C14orf39: variants seen among roughly 807,000 people sequenced by gnomAD.
C14orf39 encodes the protein protein SIX6OS1.
A neutral mutation model predicts 85.6 loss-of-function variants in C14orf39; 66 were observed. The ratio of observed to expected loss-of-function variants is 0.77; its 90% CI spans 0.63 to 0.95. The LOEUF (loss-of-function observed/expected upper bound fraction) is 0.95, where lower values mean the gene tolerates loss of function less well. Ranked by LOEUF, C14orf39 falls within the 40% of genes least tolerant of loss-of-function variation. C14orf39 has a pLI of 0.00. For missense variants in C14orf39, 735 were observed against 663.9 expected (o/e 1.11, Z -1.18); for synonymous variants, 242 against 214.0 (o/e 1.13, Z -1.14).
intron 7 of C14orf39, among the ~76,000 whole-genome samples, chr14:60,470,022 T>C (rs1892000710): frequency 6.6e-6 from 1 of 150,898 alleles, no homozygotes; most frequent in Non-Finnish European, 1.5e-5. Context: ...ATTTAACTTC[T>C]TATGCTTCCA....
intron 9 of C14orf39, 89 bp from the exon 10 acceptor site, chr14:60,467,133 T>A (rs988155752): frequency 1.8e-6 from 1 of 562,954 alleles, no homozygotes; most frequent in African/African-American, 2.0e-5. Flanking sequence ...TACTATATAA[T>A]AAAACCCCTC....
chr14:60,456,957 A>G lies in C14orf39; in HGVS notation c.1318T>C (p.Leu440=), dbSNP rs775967405. 2.5e-6 allele frequency: 4 copies of G among 1,592,518 alleles called. No homozygotes were observed. The highest frequency in any genetic ancestry group is 2.7e-5 in the African/African-American group (2 of 73,338). Residue 440 remains leucine, a synonymous_variant, in exon 15 of 18, where the codon TTG becomes CTG. Transcript: ENST00000321731. ...GTTTTAGGGAATTTTATTTTCTCCA[A>G]TGACTCAGGTGCTTTCACAGCTTTG... is the stretch of plus-strand genomic sequence containing the variant. ...TPKAVKAPES[L]EKIKFPKTPP...
chr14:60,482,150 C>CTG (rs1170411802), intron 4 of C14orf39, among the ~76,000 whole-genome samples: 2 of 152,172 alleles, frequency 1.3e-5, no homozygotes, highest in Non-Finnish European at 2.9e-5. Flanking sequence ...TACTGACTCT[C>CTG]CTCAGACCTA....
At chr14:60,511,383 T>G in intron 1 of C14orf39, 1 of 1,161,570 alleles carries the variant, frequency 8.6e-7, no homozygotes, top group Non-Finnish European at 1.3e-6. Flanking sequence ...ACCCGCGGGC[T>G]CGGGTTGCCG....
chr14:60,458,697 T>G lies in C14orf39; in HGVS notation c.1160A>C (p.Glu387Ala). ...ACTTACTTGTGAAGTACATTTTGAT[T>G]CTCTTACTTGTCTTACTGTCCCTTT... is the stretch of plus-strand genomic sequence containing the variant. ...GDKGTVRQVR[E>A]SKCTSQAIYT... Residue 387 changes from glutamate (E) to alanine (A), a missense_variant, in exon 14 of 18, where the codon GAA becomes GCA. Coordinates refer to ENST00000321731, the MANE Select transcript of C14orf39 (RefSeq NM_174978.3). The G allele has an allele frequency of 1.2e-6, 2 of 1,603,110 alleles. No individual in the cohort carries two copies. The highest frequency in any genetic ancestry group is 1.7e-6 in the Non-Finnish European group (2 of 1,174,388).
intron 1 of C14orf39, chr14:60,511,454 G>GA (rs1243564047): frequency 1.1e-5 from 7 of 660,336 alleles, no homozygotes; most frequent in Admixed American, 9.4e-5. Flanking sequence ...GCGACCACGG[G>GA]AACCAGCGGT....
rs546778360 is a variant in C14orf39 at position 60,495,214 on chromosome 14, C to G, written c.-9+4082G>C. Reference sequence around the variant, plus strand: ...GCAGCTCAAGATTCAGTGGCAAATGCGACATTCATTGGGGTTGGTGGTGGA... The same window carrying G: ...GCAGCTCAAGATTCAGTGGCAAATGGGACATTCATTGGGGTTGGTGGTGGA... On this transcript the variant is annotated intron_variant, in intron 2 of 5. Coordinates refer to the C14orf39 transcript ENST00000556799. 1.1e-3 allele frequency: 215 copies of G among 201,310 alleles called. 1 individual carries two copies. The highest frequency in any genetic ancestry group is 4.6e-3 in the African/African-American group (199 of 42,988). The allele number at this position is 201,310 out of a possible 1,614,324, so 12.5% of individuals were successfully genotyped here.
intron 14 of C14orf39, among the ~76,000 whole-genome samples, 159 bp from the exon 15 acceptor site, chr14:60,457,254 A>C (rs1363832935): frequency 1.3e-5 from 2 of 152,064 alleles, no homozygotes; most frequent in Non-Finnish European, 2.9e-5. Flanking sequence ...GTAATACTAA[A>C]ACATATATCA....
chr14:60,440,225 A>G (rs1313993203), intron 17 of C14orf39, among the ~76,000 whole-genome samples: 2 of 152,236 alleles, frequency 1.3e-5, no homozygotes, highest in Non-Finnish European at 2.9e-5. Flanking sequence ...TTCGAAATTC[A>G]TATGTACAAT....
At chr14:60,493,479 T>C (rs1200279158) in intron 2 of C14orf39, among the ~76,000 whole-genome samples, 1 of 152,186 alleles carries the variant, frequency 6.6e-6, no homozygotes, top group Non-Finnish European at 1.5e-5. Context: ...CTGTTCTACC[T>C]TGAAATAGGT....
At chr14:60,512,194 A>T (rs1285626711) in intron 1 of C14orf39, 1 of 152,238 alleles carries the variant, frequency 6.6e-6, no homozygotes, top group Non-Finnish European at 1.5e-5. Context: ...ATGAAGTGTC[A>T]ACAGCTTTCA....
At chr14:60,490,438 T>TATAA (rs761040121), upstream of C14orf39, among the ~76,000 whole-genome samples, 259 of 105,306 alleles carry the variant, frequency 2.5e-3, 3 homozygotes, top group African/African-American at 4.6e-3. Context: ...AACCCATCTC[T>TATAA]ATAAATAAAT....
intron 11 of C14orf39, among the ~76,000 whole-genome samples, chr14:60,464,354 T>C (rs1197631948): frequency 1.3e-5 from 2 of 152,164 alleles, no homozygotes; most frequent in Non-Finnish European, 2.9e-5. Flanking sequence ...CAAACGTTTA[T>C]CTTGTTTAAG....
chr14:60,478,373 C>A lies in C14orf39; in HGVS notation c.250G>T (p.Asp84Tyr). The change falls in exon 5 of 18, where the codon GAT (aspartate) becomes TAT (tyrosine). Residue 84 changes from aspartate (D) to tyrosine (Y), a missense_variant. By Grantham distance (160) the Asp-to-Tyr change is radical. Transcript: ENST00000321731. ...TAATCTTCATGTTTACGAAAAACAT[C>A]ACATGTTGGCTTCCAGCTATAGAAA... Reference protein sequence around the residue: ...DNCRNWKPTCDVFRKHEDYMQ... With the variant: ...DNCRNWKPTCYVFRKHEDYMQ... 6.4e-7 allele frequency: 1 copy of A among 1,571,552 alleles called. No individual in the cohort carries two copies. The highest frequency in any genetic ancestry group is 1.2e-5 in the South Asian group (1 of 82,424).
At chr14:60,509,468 A>G (rs1168027662) in intron 1 of C14orf39, 3 of 1,600,440 alleles carry the variant, frequency 1.9e-6, no homozygotes, top group Non-Finnish European at 2.5e-6. Context: ...CCTGGAAGAG[A>G]GCGGCGATGT....
rs1460692438 is a variant in C14orf39, at chr14:60,471,731, T to C, written c.332A>G (p.Tyr111Cys). 6 of 1,503,162 alleles carry C rather than the reference T, an allele frequency of 4.0e-6. No homozygotes were observed. Among genetic ancestry groups the C allele is most frequent in the African/African-American group, 1.4e-5 (1 of 70,704 alleles). The allele number at this position is 1,503,162 out of a possible 1,614,324, so 93.1% of individuals were successfully genotyped here. ...TTTATACTGACATATATAATCATGATACATTTCTCTGTTAAAATTAAAAGA... is the reference window on the plus strand; with the variant it reads ...TTTATACTGACATATATAATCATGACACATTTCTCTGTTAAAATTAAAAGA... ...QGTVEKDKEM[Y>C]HDYICQYKEV... Residue 111 changes from tyrosine (Y) to cysteine (C), a missense_variant, in exon 6 of 18, where the codon TAT becomes TGT. Transcript: ENST00000321731.
At chr14:60,498,981 G>A (rs1239454626) in intron 2 of C14orf39, among the ~76,000 whole-genome samples, 2 of 152,080 alleles carry the variant, frequency 1.3e-5, no homozygotes, top group Non-Finnish European at 2.9e-5. Context: ...CTGAAGGGCC[G>A]GGCACGGTGG....
At chr14:60,462,005 G>T (rs1891556596) in intron 11 of C14orf39, among the ~76,000 whole-genome samples, 1 of 151,970 alleles carries the variant, frequency 6.6e-6, no homozygotes, top group Non-Finnish European at 1.5e-5. Flanking sequence ...CAGATTAAAA[G>T]ATTAAAAAGC....
At chr14:60,448,635 G>A (rs1488868928) in intron 16 of C14orf39, among the ~76,000 whole-genome samples, 1 of 152,136 alleles carries the variant, frequency 6.6e-6, no homozygotes, top group Non-Finnish European at 1.5e-5. Flanking sequence ...ATTCCTCAAG[G>A]ATCTAGAACT....
Sources: gnomAD v4.1 joint callset for allele counts (sites outside exome capture counted in the v4.1 genomes callset) on GRCh38, gnomAD v4.1.1 for gene constraint, MANE v1.5 for transcripts, NCBI Gene and HGNC (gene_info 2026-07-23, HGNC 2026-07-21) for gene names.